DTHD1: variants seen among roughly 807,000 people sequenced by gnomAD.
DTHD1 encodes the protein death domain-containing protein 1.
Under a neutral mutation model 74.8 loss-of-function variants are expected in DTHD1, and 59 were observed. That is an observed-to-expected ratio of 0.79 (90% CI 0.64 to 0.98). The LOEUF (loss-of-function observed/expected upper bound fraction) is 0.98, where lower values mean the gene tolerates loss of function less well. Ranked by LOEUF, DTHD1 falls within the 50% of genes least tolerant of loss-of-function variation. The pLI, the probability that DTHD1 is intolerant of heterozygous loss-of-function variation, is 0.00. For synonymous variants in DTHD1, 365 were observed against 371.1 expected (o/e 0.98, Z 0.19); for missense variants, 1,051 against 1,065.4 (o/e 0.99, Z 0.19).
At chr4:36,307,105 G>T (rs1426001363) in intron 6 of DTHD1, among the ~76,000 whole-genome samples, 2 of 152,246 alleles carry the variant, frequency 1.3e-5, no homozygotes, top group Admixed American at 6.5e-5. Flanking sequence ...ATGTAGGGCT[G>T]CTCTGGGTGA....
intron 8 of DTHD1, among the ~76,000 whole-genome samples, chr4:36,322,430 T>TAGCTAGGTG (rs1758084691): frequency 6.6e-6 from 1 of 151,206 alleles, no homozygotes; most frequent in Non-Finnish European, 1.5e-5. Context: ...GTGGTGTGAG[T>TAGCTAGGTG]TGGTAGGTGG....
In DTHD1 at chr4:36,308,442, C is replaced by T. The variant is rs750691784; in HGVS notation, c.2044C>T (p.Arg682Ter). Residue 682 changes from arginine (R) to a stop codon, truncating the protein, a stop_gained, in exon 7 of 10, where the codon CGA becomes TGA. Transcript: ENST00000639862. LOFTEE classifies it high-confidence loss of function. ...AGAGCCATCTCGTCATTTCCAAGTT[C>T]GAGAAGGAGAACAACTTCTTTTAAG... ...PPEPSRHFQV[R>*]EGEQLLLRFT... The T allele has an allele frequency of 2.6e-5, 40 of 1,551,580 alleles. No homozygotes were observed. Among genetic ancestry groups the T allele is most frequent in the African/African-American group, 6.8e-5 (5 of 73,004 alleles).
At chr4:36,343,109 T>C (rs968720598) in intron 9 of DTHD1, among the ~76,000 whole-genome samples, 1 of 131,332 alleles carries the variant, frequency 7.6e-6, no homozygotes, top group African/African-American at 3.8e-5. Flanking sequence ...AAACAAACAG[T>C]GCTACTCAAA....
chr4:36,340,076 A>G (rs13115417), intron 9 of DTHD1, among the ~76,000 whole-genome samples: 106,215 of 151,708 alleles, frequency 0.7, 37,813 homozygotes, highest in African/African-American at 0.81. Context: ...GATCCTTCTT[A>G]TGGGTACTAG....
In DTHD1 at chr4:36,314,353, C is replaced by T. The variant is rs190695107; in HGVS notation, c.2096-1889C>T. Reference sequence around the variant, plus strand: ...CAACTGCATGCTGGCTTACAATAACCGAAGGAAGTTTCCATGTAGACATGA... The same window carrying T: ...CAACTGCATGCTGGCTTACAATAACTGAAGGAAGTTTCCATGTAGACATGA... On this transcript the variant is annotated intron_variant, in intron 7 of 9. Coordinates refer to ENST00000639862, the MANE Select transcript of DTHD1 (RefSeq NM_001170700.3). 4.6e-3 allele frequency among the ~76,000 whole-genome samples: 706 copies of T among 152,004 alleles called. 11 individuals are homozygous for T. Among genetic ancestry groups the T allele is most frequent in the African/African-American group, 0.016 (666 of 41,456 alleles).
chr4:36,305,941 T>A (rs996971338), intron 5 of DTHD1, among the ~76,000 whole-genome samples: 1 of 152,230 alleles, frequency 6.6e-6, no homozygotes, highest in African/African-American at 2.4e-5. Flanking sequence ...TAAACCACCC[T>A]GTACGTTTCT....
chr4:36,287,540 T>C (rs192861388), intron 2 of DTHD1, among the ~76,000 whole-genome samples: 240 of 152,352 alleles, frequency 1.6e-3, no homozygotes, highest in Middle Eastern at 3.4e-3. Context: ...CTTCTACTTT[T>C]AGTTCTTTAA....
At chr4:36,300,215 G>A (rs1756679648) in intron 5 of DTHD1, among the ~76,000 whole-genome samples, 1 of 152,098 alleles carries the variant, frequency 6.6e-6, no homozygotes, top group Non-Finnish European at 1.5e-5. Context: ...GTTTCTTCAG[G>A]CATAATGGAG....
rs1238766358 is a variant in DTHD1, at chr4:36,344,554, G to T, written c.*730G>T. On this transcript the variant is annotated 3_prime_UTR_variant, in exon 10 of 10. Coordinates refer to ENST00000639862, the MANE Select transcript of DTHD1 (RefSeq NM_001170700.3). ...ATGATAAGAAGTTATGGAGACCAAA[G>T]TTTTATAATGCAGATGAAGCCTCCA... is the stretch of plus-strand genomic sequence containing the variant. 1 of 152,250 alleles carries T rather than the reference G, an allele frequency of 6.6e-6. No homozygotes were observed. The highest frequency in any genetic ancestry group is 1.5e-5 in the Non-Finnish European group (1 of 68,064). 9.4% of individuals were successfully genotyped at this position (152,250 alleles called of 1,614,324 possible). A position where few individuals can be genotyped will look rare whatever the true frequency, so the allele number is the denominator to read the frequency against.
At position 36,306,347 on chromosome 4, in the gene DTHD1, G is replaced by A; in HGVS notation, c.1800G>A (p.Leu600=). 6.5e-7 allele frequency: 1 copy of A among 1,546,790 alleles called. No individual in the cohort carries two copies. Among genetic ancestry groups the A allele is most frequent in the Non-Finnish European group, 8.7e-7 (1 of 1,144,378 alleles). The change falls in exon 6 of 10, where the codon TTG becomes TTA. Residue 600 remains leucine, a synonymous_variant. Transcript: ENST00000639862. ...TATCAGTTGAATTGTATGAACATTT[G>A]GAGAGGTAATACCATCAAAAACAAT... ...GLVSVELYEH[L]ERFIVLHLSS...
At chr4:36,314,148 A>G (rs1757561509) in intron 7 of DTHD1, among the ~76,000 whole-genome samples, 1 of 150,534 alleles carries the variant, frequency 6.6e-6, no homozygotes, top group Non-Finnish European at 1.5e-5. Context: ...CTACTCCTAC[A>G]CCATCTGTAA....
At chr4:36,285,726 G>A (rs1304282038) in intron 2 of DTHD1, among the ~76,000 whole-genome samples, 1 of 151,736 alleles carries the variant, frequency 6.6e-6, no homozygotes, top group Non-Finnish European at 1.5e-5. Flanking sequence ...CTGTGACCCT[G>A]GGCAACTTGC....
At chr4:36,293,761 C>T in intron 4 of DTHD1, 56 bp downstream of exon 4, 2 of 1,389,852 alleles carry the variant, frequency 1.4e-6, no homozygotes, top group South Asian at 3.3e-5. Flanking sequence ...GGTCATCAAG[C>T]ATGGTTCTAA....
At chr4:36,310,246 C>T (rs1202861307) in intron 7 of DTHD1, among the ~76,000 whole-genome samples, 1 of 151,554 alleles carries the variant, frequency 6.6e-6, no homozygotes, top group African/African-American at 2.4e-5. Flanking sequence ...TGAGAGGTGG[C>T]AGGAGAGATT....
In DTHD1 at chr4:36,281,923, C is replaced by A; in HGVS notation, c.165C>A (p.Ser55Arg). 1 of 1,338,510 alleles carries A rather than the reference C, an allele frequency of 7.5e-7. No homozygotes were observed. Among genetic ancestry groups the A allele is most frequent in the Non-Finnish European group, 9.6e-7 (1 of 1,037,788 alleles). The allele number at this position is 1,338,510 out of a possible 1,614,324, so 82.9% of individuals were successfully genotyped here. ...TGGTCTTTCTGGGTCAGGAACTCAG[C>A]AGTGCCCTTCACCAGCTGCTGGAGC... The part of the protein sequence containing the change: ...ATVVFLGQEL[S>R]SALHQLLEHT... The change falls in exon 1 of 10, where the codon AGC becomes AGA. Residue 55 changes from serine (S) to arginine (R), a missense_variant. Transcript: ENST00000639862.
intron 2 of DTHD1, 105 bp downstream of exon 2, chr4:36,284,696 A>G: frequency 2.2e-6 from 2 of 899,864 alleles, no homozygotes; most frequent in South Asian, 1.9e-5. Context: ...ACAAAACATC[A>G]TAAAGTGAGT....
chr4:36,311,567 C>G (rs1350279873), intron 7 of DTHD1: 3 of 150,716 alleles, frequency 2.0e-5, no homozygotes, highest in African/African-American at 7.3e-5. Flanking sequence ...TTATGTCAGA[C>G]CTTATTTTAT....
At chr4:36,341,419 G>T (rs1389532482) in intron 9 of DTHD1, among the ~76,000 whole-genome samples, 1 of 152,136 alleles carries the variant, frequency 6.6e-6, no homozygotes, top group African/African-American at 2.4e-5. Flanking sequence ...AAAGTTAGGA[G>T]AACTCAAGTC....
At chr4:36,339,817 G>C (rs1046653098) in intron 9 of DTHD1, among the ~76,000 whole-genome samples, 1 of 152,154 alleles carries the variant, frequency 6.6e-6, no homozygotes, top group Non-Finnish European at 1.5e-5. Flanking sequence ...TTACGGATTG[G>C]TACAGAAAAT....
Sources: allele counts gnomAD v4.1 joint callset (sites outside exome capture counted in the v4.1 genomes callset), GRCh38; gene constraint gnomAD v4.1.1; transcripts MANE v1.5; gene names NCBI Gene and HGNC (gene_info 2026-07-23, HGNC 2026-07-21).